Variants in CEP57L1 observed in about 807,000 individuals in gnomAD.
CEP57L1 encodes centrosomal protein 57 like 1, also known as centrosomal protein CEP57L1.
A neutral mutation model predicts 61.0 loss-of-function variants in CEP57L1; 37 were observed. The ratio of observed to expected loss-of-function variants is 0.61; its 90% CI spans 0.47 to 0.80. CEP57L1 has a LOEUF of 0.80. Ranked by LOEUF, CEP57L1 falls within the 30% of genes least tolerant of loss-of-function variation. The probability of loss-of-function intolerance (pLI) is 0.00; values close to 1 mark genes in which losing one functional copy is unlikely to be tolerated. For missense variants in CEP57L1, 422 were observed against 524.7 expected, an observed-to-expected ratio of 0.80 and a Z score of 1.91; for synonymous variants, 137 against 162.3, an observed-to-expected ratio of 0.84 and a Z score of 1.19.
intron 5 of CEP57L1, among the ~76,000 whole-genome samples, chr6:109,154,297 T>C (rs1266818664): frequency 6.6e-6 from 1 of 152,150 alleles, no homozygotes; most frequent in Non-Finnish European, 1.5e-5. Context: ...TCCAAATCTT[T>C]TCCATTTTAT....
chr6:109,103,283 C>A (rs1770538591), intron 1 of CEP57L1, among the ~76,000 whole-genome samples: 2 of 152,146 alleles, frequency 1.3e-5, no homozygotes, highest in African/African-American at 2.4e-5. Flanking sequence ...CTTAGTTTTT[C>A]TTTTGGCTTG....
rs770930126 is a variant in CEP57L1 at position 109,168,930 on chromosome 6, A to G, written c.*5960A>G. ...TAAATGATATAAAATAGTATTGAAA[A>G]TATCAGAATGTGGCCAGGTGCGATG... On this transcript the variant is annotated 3_prime_UTR_variant, in exon 11 of 11. Transcript: ENST00000517392. Among the ~76,000 whole-genome samples the G allele has an allele frequency of 4.7e-5, 7 of 150,248 alleles. No homozygotes were observed. The highest frequency in any genetic ancestry group is 1.3e-4 in the Admixed American group (2 of 14,954).
At chr6:109,095,833 C>G (rs1220127851) in intron 1 of CEP57L1, among the ~76,000 whole-genome samples, 3 of 152,188 alleles carry the variant, frequency 2.0e-5, no homozygotes, top group Admixed American at 6.5e-5. Flanking sequence ...GCTGTGGAAA[C>G]TGGAGCTTCG....
Position 109,162,819 on chromosome 6 carries a change from G to A in CEP57L1, c.1232G>A (p.Ser411Asn), listed in dbSNP as rs1773838137. 2.5e-6 allele frequency: 4 copies of A among 1,613,236 alleles called. No individual in the cohort carries two copies. Among genetic ancestry groups the A allele is most frequent in the Admixed American group, 1.7e-5 (1 of 59,946 alleles). Residue 411 changes from serine to asparagine, a missense_variant, in exon 11 of 11, where the codon AGC becomes AAC. Physicochemically the swap from Ser to Asn is conservative, Grantham distance 46 (BLOSUM62 1). Coordinates refer to ENST00000517392, the MANE Select transcript of CEP57L1 (RefSeq NM_001271852.3). ...GCTTCAGGTATTCAGCAAGAAGACA[G>A]CTACCCTAAAGGATCAAAGAACATA... The part of the protein sequence containing the change: ...SEASGIQQED[S>N]YPKGSKNIKN...
chr6:109,119,907 A>G (rs1462685149), intron 1 of CEP57L1, among the ~76,000 whole-genome samples: 1 of 152,196 alleles, frequency 6.6e-6, no homozygotes, highest in African/African-American at 2.4e-5. Context: ...GTAGTTTTTG[A>G]TAGTTCAAAA....
At chr6:109,147,441 A>G (rs955428316) in intron 3 of CEP57L1, among the ~76,000 whole-genome samples, 3 of 152,168 alleles carry the variant, frequency 2.0e-5, no homozygotes, top group African/African-American at 7.2e-5. Flanking sequence ...TGTGGAAATT[A>G]TGAAAAATTT....
intron 1 of CEP57L1, among the ~76,000 whole-genome samples, chr6:109,115,615 T>C (rs1011686758): frequency 6.6e-6 from 1 of 152,146 alleles, no homozygotes; most frequent in African/African-American, 2.4e-5. Flanking sequence ...TTTTAAAAAA[T>C]CTGAAGCCAA....
rs964509973 is a variant in CEP57L1, at chr6:109,172,949, G to A, written c.*9979G>A. 2.6e-4 allele frequency among the ~76,000 whole-genome samples: 39 copies of A among 152,238 alleles called. No individual in the cohort carries two copies. The highest frequency in any genetic ancestry group is 4.6e-4 in the Admixed American group (7 of 15,294). On this transcript the variant is annotated 3_prime_UTR_variant, in exon 11 of 11. Coordinates refer to ENST00000517392, the MANE Select transcript of CEP57L1 (RefSeq NM_001271852.3). The stretch of plus-strand genomic sequence containing the variant: ...ATACTGAAGTCAGGAACCAAGAACC[G>A]GTCAATTTACCTCAGCCAAGTTGCT...
chr6:109,104,149 T>TA (rs777428109), intron 1 of CEP57L1, among the ~76,000 whole-genome samples: 28 of 151,916 alleles, frequency 1.8e-4, no homozygotes, highest in Non-Finnish European at 3.4e-4. Flanking sequence ...GAAGATATCT[T>TA]ACTATCTGTA....
chr6:109,117,963 G>A (rs770011707), intron 1 of CEP57L1, among the ~76,000 whole-genome samples: 3 of 152,122 alleles, frequency 2.0e-5, no homozygotes, highest in South Asian at 4.2e-4. Flanking sequence ...CATTGGAAAC[G>A]GATGAAAAAT....
intron 1 of CEP57L1, among the ~76,000 whole-genome samples, chr6:109,107,468 C>T (rs116022993): frequency 1.4e-3 from 213 of 152,124 alleles, no homozygotes; most frequent in African/African-American, 4.9e-3. Context: ...GAAAAACATG[C>T]GTTTCAGATA....
intron 1 of CEP57L1, among the ~76,000 whole-genome samples, chr6:109,142,248 T>C (rs1220321037): frequency 6.6e-6 from 1 of 152,188 alleles, no homozygotes; most frequent in Non-Finnish European, 1.5e-5. Context: ...AAAGAAAATG[T>C]GGTACATATA....
At chr6:109,097,461 C>T (rs1399231786) in intron 1 of CEP57L1, among the ~76,000 whole-genome samples, 1 of 152,218 alleles carries the variant, frequency 6.6e-6, no homozygotes, top group Non-Finnish European at 1.5e-5. Context: ...TTCAGACTAA[C>T]TTCATATATT....
rs1774158720 is a variant in CEP57L1, at chr6:109,167,113, T to C, written c.*4143T>C. On this transcript the variant is annotated 3_prime_UTR_variant, in exon 11 of 11. Coordinates refer to ENST00000517392, the MANE Select transcript of CEP57L1 (RefSeq NM_001271852.3). ...CTCATCTGAAAATAAATTTACTTCT[T>C]GGTAATTAAATAGACCTTCTCAATG... Among the ~76,000 whole-genome samples, 1 of 152,246 alleles carries C rather than the reference T, an allele frequency of 6.6e-6. No individual in the cohort carries two copies. The highest frequency in any genetic ancestry group is 1.5e-5 in the Non-Finnish European group (1 of 68,044).
In CEP57L1 at chr6:109,172,151, C is replaced by T. The variant is rs923574082; in HGVS notation, c.*9181C>T. On this transcript the variant is annotated 3_prime_UTR_variant, in exon 11 of 11. Coordinates refer to ENST00000517392, the MANE Select transcript of CEP57L1 (RefSeq NM_001271852.3). Reference sequence around the variant, plus strand: ...GGCACAAGCTTCCAGTTGTCCTTCACCTGTGAAGTCATGTAGACAGACCAT... The same window carrying T: ...GGCACAAGCTTCCAGTTGTCCTTCATCTGTGAAGTCATGTAGACAGACCAT... Among the ~76,000 whole-genome samples the T allele has an allele frequency of 3.3e-5, 5 of 152,190 alleles. No individual in the cohort carries two copies. Among genetic ancestry groups the T allele is most frequent in the African/African-American group, 4.8e-5 (2 of 41,456 alleles).
rs749755677 is a variant in CEP57L1 at position 109,159,069 on chromosome 6, A to G, written c.789A>G (p.Ser263=). 38 of 1,613,832 alleles carry G rather than the reference A, an allele frequency of 2.4e-5. No homozygotes were observed. The highest frequency in any genetic ancestry group is 1.5e-4 in the African/African-American group (11 of 74,926). ...IKRRPPWQIC[S]KFGALPFVAE... ...GACGACCACCTTGGCAAATTTGTTC[A>G]AAGTTTGGAGCACTGCCTTTTGTGG... The change falls in exon 8 of 11, where the codon TCA becomes TCG. Residue 263 remains serine, a synonymous_variant. Transcript: ENST00000517392.
At chr6:109,160,737 G>A (rs1773648579) in intron 10 of CEP57L1, 21 bp downstream of exon 10, 1 of 1,562,856 alleles carries the variant, frequency 6.4e-7, no homozygotes. Context: ...TTTAGTAAGA[G>A]ATTTTAATAA....
At position 109,160,138 on chromosome 6, in the gene CEP57L1, G is replaced by A. The variant is rs1253629235; in HGVS notation, c.1017-434G>A. On this transcript the variant is annotated intron_variant, in intron 9 of 10. Coordinates refer to ENST00000517392, the MANE Select transcript of CEP57L1 (RefSeq NM_001271852.3). The stretch of plus-strand genomic sequence containing the variant: ...ACCAGCTAGTTGATCTAAGACTTCT[G>A]TAGAAGATATAACTCTTTCTATTAA... Among the ~76,000 whole-genome samples the A allele has an allele frequency of 5.3e-5, 8 of 152,162 alleles. No individual in the cohort carries two copies. The South Asian group carries it at 1.7e-3, about 31-fold the overall frequency.
rs571746486 is a variant in CEP57L1, at chr6:109,114,063, G to T, written c.-4+18488G>T. On this transcript the variant is annotated intron_variant, in intron 1 of 10. Transcript: ENST00000517392. Reference sequence around the variant, plus strand: ...TGTACTTATTTTTTTTTTGCTTTGGGTATATACCCAGCAGTGGGATTGCTG... The same window carrying T: ...TGTACTTATTTTTTTTTTGCTTTGGTTATATACCCAGCAGTGGGATTGCTG... 7.5e-4 allele frequency among the ~76,000 whole-genome samples: 114 copies of T among 151,864 alleles called. 1 individual carries two copies. The highest frequency in any genetic ancestry group is 2.7e-3 in the African/African-American group (111 of 41,458).
Sources: gnomAD v4.1 joint callset for allele counts (sites outside exome capture counted in the v4.1 genomes callset) on GRCh38, gnomAD v4.1.1 for gene constraint, MANE v1.5 for transcripts, NCBI Gene and HGNC (gene_info 2026-07-23, HGNC 2026-07-21) for gene names.